LAMC3: variants seen among roughly 807,000 people sequenced by gnomAD.
LAMC3 encodes the protein laminin subunit gamma 3.
Under a neutral mutation model 173.8 loss-of-function variants are expected in LAMC3, and 128 were observed. The observed-to-expected ratio is 0.74, with a 90% confidence interval of 0.64 to 0.85. The LOEUF (loss-of-function observed/expected upper bound fraction) is 0.85, where lower values mean the gene tolerates loss of function less well. LAMC3 is among the 40% of genes least tolerant of loss of function. The pLI, the probability that LAMC3 is intolerant of heterozygous loss-of-function variation, is 0.00. For synonymous variants in LAMC3, 897 were observed against 909.1 expected, an observed-to-expected ratio of 0.99 and a Z score of 0.24; for missense variants, 2,022 against 2,156.0, an observed-to-expected ratio of 0.94 and a Z score of 1.23.
intron 8 of LAMC3, 60 bp downstream of exon 8, chr9:131,045,720 C>T (rs1834143326): frequency 1.9e-6 from 3 of 1,591,504 alleles, no homozygotes; most frequent in African/African-American, 2.7e-5. Context: ...GGCAGGTGAT[C>T]CTGCCCTGGG....
Position 131,057,242 on chromosome 9 carries a change from T to C in LAMC3, c.2158+95T>C, listed in dbSNP as rs1834425778. 7.2e-6 allele frequency: 8 copies of C among 1,104,424 alleles called. No homozygotes were observed. In the Admixed American group the frequency reaches 1.1e-4, roughly 15 times the overall value. The allele number at this position is 1,104,424 out of a possible 1,614,324, so 68.4% of individuals were successfully genotyped here. ...GAACAGGGCCAGCCTGGCACAGGCA[T>C]TGAGGTGTTGGCCAAGCTGTGGGGC... On this transcript the variant is annotated intron_variant, in intron 12 of 27. Coordinates refer to ENST00000361069, the MANE Select transcript of LAMC3 (RefSeq NM_006059.4).
At chr9:131,062,588 G>A (rs896026109) in intron 13 of LAMC3, among the ~76,000 whole-genome samples, 8 of 152,118 alleles carry the variant, frequency 5.3e-5, no homozygotes, top group Non-Finnish European at 8.8e-5. Flanking sequence ...TGTTGTTGAG[G>A]CCAGGCGCAG....
At chr9:131,064,230 C>T (rs1829882365) in intron 13 of LAMC3, among the ~76,000 whole-genome samples, 1 of 152,122 alleles carries the variant, frequency 6.6e-6, no homozygotes, top group African/African-American at 2.4e-5. Flanking sequence ...TTCATTTCAA[C>T]AGACCGATGA....
chr9:131,091,921 A>G lies in LAMC3; in HGVS notation c.*134A>G. The G allele has an allele frequency of 9.8e-7, 1 of 1,023,142 alleles. No individual in the cohort carries two copies. The highest frequency in any genetic ancestry group is 1.6e-5 in the South Asian group (1 of 63,996). 63.4% of individuals were successfully genotyped at this position (1,023,142 alleles called of 1,614,324 possible). A position where few individuals can be genotyped will look rare whatever the true frequency, so the allele number is the denominator to read the frequency against. On this transcript the variant is annotated 3_prime_UTR_variant, in exon 28 of 28. Coordinates refer to ENST00000361069, the MANE Select transcript of LAMC3 (RefSeq NM_006059.4). ...GCTGTGAACTCGCCCCCGTGTGGAT[A>G]GTCACTCCCTGCCGATTCTGTCTGT... is the stretch of plus-strand genomic sequence containing the variant.
At chr9:131,056,558 G>A (rs1834409262) in intron 11 of LAMC3, among the ~76,000 whole-genome samples, 1 of 151,510 alleles carries the variant, frequency 6.6e-6, no homozygotes, top group African/African-American at 2.4e-5. Context: ...ACTTTGGGAG[G>A]CCAAGGCAGG....
At chr9:131,033,567 C>T (rs1451672549) in intron 3 of LAMC3, among the ~76,000 whole-genome samples, 1 of 152,048 alleles carries the variant, frequency 6.6e-6, no homozygotes, top group Admixed American at 6.6e-5. Context: ...GGTTTAGCCT[C>T]ACCCAGAAGT....
chr9:131,085,254 T>C lies in LAMC3; in HGVS notation c.4031-270T>C, dbSNP rs543752503. ...CTAGTCCCCACCACTGGCCCCAGCA[T>C]TGACCACCATGTAATTCCTTGACTT... On this transcript the variant is annotated intron_variant, in intron 24 of 27. Transcript: ENST00000361069. Among the ~76,000 whole-genome samples the C allele has an allele frequency of 2.1e-3, 318 of 152,332 alleles. 1 individual carries two copies. The highest frequency in any genetic ancestry group is 6.9e-3 in the African/African-American group (285 of 41,594).
At chr9:131,033,804 C>T (rs1209789058) in intron 3 of LAMC3, among the ~76,000 whole-genome samples, 5 of 151,928 alleles carry the variant, frequency 3.3e-5, no homozygotes, top group South Asian at 2.1e-4. Flanking sequence ...AACCATGGGC[C>T]ATGGGAGTGG....
At chr9:131,015,904 C>T (rs1465674896) in intron 1 of LAMC3, among the ~76,000 whole-genome samples, 2 of 152,180 alleles carry the variant, frequency 1.3e-5, no homozygotes, top group African/African-American at 4.8e-5. Context: ...GTGATCTGCC[C>T]TCCTCTGTCT....
chr9:131,081,192 C>T (rs932436937), intron 23 of LAMC3, among the ~76,000 whole-genome samples: 14 of 152,206 alleles, frequency 9.2e-5, no homozygotes, highest in African/African-American at 3.4e-4. Flanking sequence ...GATGGCATCA[C>T]CTTTTCAGGG....
At position 131,079,134 on chromosome 9, in the gene LAMC3, A is replaced by G. The variant is rs755991742; in HGVS notation, c.3778-15A>G. The stretch of plus-strand genomic sequence containing the variant: ...TCCTTTCCAGGCCCTGCCTGAGCGC[A>G]TTGTCTCCCTGCAGCCTCAGAAGTC... On this transcript the variant is annotated splice_polypyrimidine_tract_variant and intron_variant, in intron 22 of 27. Coordinates refer to ENST00000361069, the MANE Select transcript of LAMC3 (RefSeq NM_006059.4). 2 of 1,611,936 alleles carry G rather than the reference A, an allele frequency of 1.2e-6. No homozygotes were observed.
chr9:131,067,382 A>G (rs1450404607), intron 14 of LAMC3, among the ~76,000 whole-genome samples, 177 bp downstream of exon 14: 2 of 152,102 alleles, frequency 1.3e-5, no homozygotes, highest in African/African-American at 2.4e-5. Context: ...AGAAAGCACA[A>G]GGGTTTGCCC....
intron 27 of LAMC3, among the ~76,000 whole-genome samples, chr9:131,088,538 T>C (rs1418798006): frequency 6.6e-6 from 1 of 152,178 alleles, no homozygotes; most frequent in African/African-American, 2.4e-5. Context: ...GACAGGGCAG[T>C]TGGGCTGAAA....
chr9:131,080,940 C>T (rs1364348034), intron 23 of LAMC3, among the ~76,000 whole-genome samples: 1 of 152,220 alleles, frequency 6.6e-6, no homozygotes, highest in South Asian at 2.1e-4. Context: ...GGCATACAAA[C>T]ACCCATTTTA....
rs746526077 is a variant in LAMC3, at chr9:131,082,108, A to G, written c.3977A>G (p.Gln1326Arg). The change falls in exon 24 of 28, where the codon CAG becomes CGG. Residue 1326 changes from glutamine to arginine, a missense_variant. Gln to Arg is a conservative substitution (Grantham distance 43, BLOSUM62 1). Transcript: ENST00000361069. ...CTGACCCAGGCTTCCTCATCTGTCC[A>G]GGCTGCGACAGTGACTGTCATGGGA... ...AALTQASSSV[Q>R]AATVTVMGAR... The G allele has an allele frequency of 6.2e-7, 1 of 1,613,962 alleles. No individual in the cohort carries two copies. The highest frequency in any genetic ancestry group is 8.5e-7 in the Non-Finnish European group (1 of 1,179,964).
chr9:131,073,530 C>T lies in LAMC3; in HGVS notation c.3494+209C>T, dbSNP rs545391435. Reference sequence around the variant, plus strand: ...GGGGCAAAGCTTGGTGGACTGAAGGCGTCAGAGAGCATCTGCCGGCTTTCT... The same window carrying T: ...GGGGCAAAGCTTGGTGGACTGAAGGTGTCAGAGAGCATCTGCCGGCTTTCT... On this transcript the variant is annotated intron_variant, in intron 20 of 27. Coordinates refer to ENST00000361069, the MANE Select transcript of LAMC3 (RefSeq NM_006059.4). 1.3e-4 allele frequency among the ~76,000 whole-genome samples: 20 copies of T among 152,254 alleles called. 1 individual carries two copies. Among genetic ancestry groups the T allele is most frequent in the Admixed American group, 8.5e-4 (13 of 15,296 alleles).
At chr9:131,065,879 G>C (rs534478743) in intron 13 of LAMC3, among the ~76,000 whole-genome samples, 1 of 151,536 alleles carries the variant, frequency 6.6e-6, no homozygotes, top group East Asian at 1.9e-4. Context: ...AGAAGGATGA[G>C]GTTAGTGGTC....
intron 20 of LAMC3, among the ~76,000 whole-genome samples, chr9:131,074,450 C>G (rs1830088487): frequency 6.6e-6 from 1 of 151,914 alleles, no homozygotes. Flanking sequence ...AATCCCAGCA[C>G]TTTGGGAGGC....
At position 131,069,851 on chromosome 9, in the gene LAMC3, G is replaced by T; in HGVS notation, c.3069+1G>T. On this transcript the variant is annotated splice_donor_variant, in intron 17 of 27. Coordinates refer to ENST00000361069, the MANE Select transcript of LAMC3 (RefSeq NM_006059.4). LOFTEE classifies it high-confidence loss of function. ...CTGCTACGCCCTGGTGAAGGAGGAGGTGAGTCGGCCCAGACCCACTCACCT... is the reference window on the plus strand; with the variant it reads ...CTGCTACGCCCTGGTGAAGGAGGAGTTGAGTCGGCCCAGACCCACTCACCT... 1 of 1,584,210 alleles carries T rather than the reference G, an allele frequency of 6.3e-7. No individual in the cohort carries two copies. Among genetic ancestry groups the T allele is most frequent in the African/African-American group, 1.3e-5 (1 of 74,588 alleles).
Sources: allele counts gnomAD v4.1 joint callset (sites outside exome capture counted in the v4.1 genomes callset), GRCh38; gene constraint gnomAD v4.1.1; transcripts MANE v1.5; gene names NCBI Gene and HGNC (gene_info 2026-07-23, HGNC 2026-07-21).